The following ARL13B variants were observed in gnomAD, a reference collection of about 807,000 sequenced individuals.
ARL13B encodes the protein ADP-ribosylation factor-like protein 13B.
In ARL13B, 36 loss-of-function variants were observed where a neutral mutation model predicts 56.1. The ratio of observed to expected loss-of-function variants is 0.64; its 90% CI spans 0.49 to 0.85. The LOEUF is 0.85. Ranked by LOEUF, ARL13B falls within the 40% of genes least tolerant of loss-of-function variation. ARL13B has a pLI of 0.00. For synonymous variants in ARL13B, 178 were observed against 171.1 expected (o/e 1.04, Z -0.32); for missense variants, 519 against 507.1 (o/e 1.02, Z -0.23).
rs759065986 is a variant in ARL13B, at chr3:94,035,468, T to C, written c.486+32T>C. On this transcript the variant is annotated intron_variant, in intron 4 of 9. Transcript: ENST00000394222. The stretch of plus-strand genomic sequence containing the variant: ...TTTTTTTTTTTTTTTTAATTTTAAT[T>C]TTTTGTCCTTTCAAATAGGTTCAGT... 13 of 1,443,796 alleles carry C rather than the reference T, an allele frequency of 9.0e-6. 1 individual carries two copies. The South Asian group carries it at 1.6e-4, about 18-fold the overall frequency. The allele number at this position is 1,443,796 out of a possible 1,614,324, so 89.4% of individuals were successfully genotyped here. A position where few individuals can be genotyped will look rare whatever the true frequency, so the allele number is the denominator to read the frequency against.
chr3:94,044,076 A>G (rs948676551), intron 7 of ARL13B, among the ~76,000 whole-genome samples: 3 of 151,488 alleles, frequency 2.0e-5, no homozygotes, highest in African/African-American at 7.3e-5. Flanking sequence ...CCTGCCCGCC[A>G]CCCCGTCTAG....
chr3:93,980,202 T>C lies in ARL13B; in HGVS notation c.-222T>C, dbSNP rs767931728. The C allele has an allele frequency of 7.1e-6, 5 of 701,626 alleles. No individual in the cohort carries two copies. In the Middle Eastern group the frequency reaches 1.4e-3, roughly 203 times the overall value. The allele number at this position is 701,626 out of a possible 1,614,324, so 43.5% of individuals were successfully genotyped here. On this transcript the variant is annotated 5_prime_UTR_variant, in exon 1 of 10. Transcript: ENST00000394222. ...CTAACTCGGCTACGGTGTATCTGCG[T>C]CTTTGGTCAGGTTGTTCCTTGGCTA...
In ARL13B at chr3:94,027,942, T is replaced by G. The variant is rs562168560; in HGVS notation, c.381-7389T>G. 1.5e-3 allele frequency among the ~76,000 whole-genome samples: 233 copies of G among 152,254 alleles called. 2 individuals are homozygous for G. The highest frequency in any genetic ancestry group is 5.3e-3 in the African/African-American group (221 of 41,578). On this transcript the variant is annotated intron_variant, in intron 3 of 9. Coordinates refer to ENST00000394222, the MANE Select transcript of ARL13B (RefSeq NM_001174150.2). Reference sequence around the variant, plus strand: ...ATTATAGCAAATTATTTCAGATTTTTAAGGTTATACGTATGTGTCAAATTT... The same window carrying G: ...ATTATAGCAAATTATTTCAGATTTTGAAGGTTATACGTATGTGTCAAATTT...
chr3:94,015,078 C>G (rs780717588), intron 3 of ARL13B: 36 of 1,613,742 alleles, frequency 2.2e-5, no homozygotes, highest in Non-Finnish European at 2.9e-5. Context: ...CATTATCTGC[C>G]AAATTGTTAA....
chr3:93,980,224 G>A lies in ARL13B; in HGVS notation c.-200G>A, dbSNP rs746112273. 16 of 721,496 alleles carry A rather than the reference G, an allele frequency of 2.2e-5. No homozygotes were observed. Among genetic ancestry groups the A allele is most frequent in the Non-Finnish European group, 3.2e-5 (13 of 404,442 alleles). 44.7% of individuals were successfully genotyped at this position (721,496 alleles called of 1,614,324 possible). On this transcript the variant is annotated 5_prime_UTR_variant, in exon 1 of 10. Transcript: ENST00000394222. ...GCGTCTTTGGTCAGGTTGTTCCTTG[G>A]CTAAGAGGGCAGTCGTCGCGGACCC... is the stretch of plus-strand genomic sequence containing the variant.
At chr3:94,024,711 G>A (rs913162280) in intron 3 of ARL13B, among the ~76,000 whole-genome samples, 3 of 151,880 alleles carry the variant, frequency 2.0e-5, no homozygotes, top group African/African-American at 4.8e-5. Context: ...TCAGCCTCCC[G>A]AGTAGCTGGG....
At chr3:94,000,619 ATGTGTGTGTG>A (rs546779411) in intron 2 of ARL13B, among the ~76,000 whole-genome samples, 1 of 148,756 alleles carries the variant, frequency 6.7e-6, no homozygotes, top group Non-Finnish European at 1.5e-5. Context: ...TTATTTGTGT[ATGTGTGTGTG>A]TGTGTGTGTA....
At position 93,991,272 on chromosome 3, in the gene ARL13B, A is replaced by G. The variant is rs1485840934; in HGVS notation, c.60-4602A>G. ...TATTTGATCAAATAATCATCAAACT[A>G]AAAGATATTGGCAATCTTTGATCTT... On this transcript the variant is annotated intron_variant, in intron 1 of 9. Transcript: ENST00000394222. Among the ~76,000 whole-genome samples the G allele has an allele frequency of 8.5e-5, 13 of 152,252 alleles. No individual in the cohort carries two copies. In the East Asian group the frequency reaches 2.3e-3, roughly 27 times the overall value.
intron 7 of ARL13B, among the ~76,000 whole-genome samples, chr3:94,046,323 T>C (rs1374922320): frequency 3.9e-5 from 6 of 152,130 alleles, no homozygotes; most frequent in Admixed American, 3.3e-4. Flanking sequence ...ACTGATCTGC[T>C]TTATATCATT....
rs1315034147 is a variant in ARL13B at position 94,054,152 on chromosome 3, G to A, written c.*889G>A. The A allele has an allele frequency of 2.2e-6, 1 of 453,226 alleles. No individual in the cohort carries two copies. Among genetic ancestry groups the A allele is most frequent in the East Asian group, 6.9e-5 (1 of 14,390 alleles). 28.1% of individuals were successfully genotyped at this position (453,226 alleles called of 1,614,324 possible). On this transcript the variant is annotated 3_prime_UTR_variant, in exon 10 of 10. Transcript: ENST00000394222. ...ATACTCCCTTGTTCCATCAGAAGCTGCAGTGACTCTTTTAGGTGATTCTAA... is the reference window on the plus strand; with the variant it reads ...ATACTCCCTTGTTCCATCAGAAGCTACAGTGACTCTTTTAGGTGATTCTAA...
At chr3:93,990,913 A>G (rs2075864633) in intron 1 of ARL13B, among the ~76,000 whole-genome samples, 3 of 152,188 alleles carry the variant, frequency 2.0e-5, no homozygotes, top group Admixed American at 2.0e-4. Context: ...TACCTTAAGA[A>G]GCTTCTCTGA....
At chr3:94,039,680 T>A (rs1264655009) in intron 5 of ARL13B, among the ~76,000 whole-genome samples, 200 bp from the exon 6 acceptor site, 5 of 152,142 alleles carry the variant, frequency 3.3e-5, no homozygotes, top group South Asian at 2.1e-4. Flanking sequence ...AGCATTTTTT[T>A]AATTGAAATG....
intron 6 of ARL13B, 108 bp from the exon 7 acceptor site, chr3:94,042,907 G>A (rs2076886453): frequency 1.2e-6 from 1 of 832,230 alleles, no homozygotes; most frequent in African/African-American, 1.7e-5. Context: ...AAGTCTCACA[G>A]TGTCCTTGAA....
At chr3:94,045,892 A>G (rs1466107524) in intron 7 of ARL13B, among the ~76,000 whole-genome samples, 4 of 145,682 alleles carry the variant, frequency 2.7e-5, no homozygotes, top group African/African-American at 7.5e-5. Context: ...CAGAGCTTGC[A>G]GTGAGCCGAG....
In ARL13B at chr3:93,992,194, A is replaced by T. The variant is rs1317178800; in HGVS notation, c.60-3680A>T. ...TATTTAGATGTTTGTTTTTTTAAAAAACTGAAATCTTGACAAGAATGGAGA... is the reference window on the plus strand; with the variant it reads ...TATTTAGATGTTTGTTTTTTTAAAATACTGAAATCTTGACAAGAATGGAGA... On this transcript the variant is annotated intron_variant, in intron 1 of 9. Coordinates refer to ENST00000394222, the MANE Select transcript of ARL13B (RefSeq NM_001174150.2). 3.3e-5 allele frequency among the ~76,000 whole-genome samples: 5 copies of T among 152,200 alleles called. No individual in the cohort carries two copies. The East Asian group carries it at 9.6e-4, about 29-fold the overall frequency.
intron 1 of ARL13B, among the ~76,000 whole-genome samples, chr3:93,992,277 G>T (rs749492688): frequency 2.4e-4 from 36 of 152,088 alleles, no homozygotes; most frequent in Non-Finnish European, 3.1e-4. Flanking sequence ...TGAAAAGGTG[G>T]ATCAGGGAAT....
intron 3 of ARL13B, among the ~76,000 whole-genome samples, chr3:94,034,835 TA>T (rs2076738631): frequency 6.6e-6 from 1 of 152,220 alleles, no homozygotes; most frequent in African/African-American, 2.4e-5. Context: ...GGCCAGTACT[TA>T]AAAACTATTT....
intron 3 of ARL13B, among the ~76,000 whole-genome samples, chr3:94,021,404 A>T (rs2076446584): frequency 6.6e-6 from 1 of 151,984 alleles, no homozygotes; most frequent in South Asian, 2.1e-4. Context: ...CATGTTGGCC[A>T]GGCTCATCTT....
At chr3:93,998,575 C>A (rs945315168) in intron 2 of ARL13B, among the ~76,000 whole-genome samples, 4 of 152,152 alleles carry the variant, frequency 2.6e-5, no homozygotes, top group African/African-American at 9.7e-5. Context: ...GTTGTTCTCA[C>A]TTACCTAACT....
Sources: gnomAD v4.1 joint callset for allele counts (sites outside exome capture counted in the v4.1 genomes callset) on GRCh38, gnomAD v4.1.1 for gene constraint, MANE v1.5 for transcripts, NCBI Gene and HGNC (gene_info 2026-07-23, HGNC 2026-07-21) for gene names.